The following NAGK variants were observed in gnomAD, a reference collection of about 807,000 sequenced individuals.
The protein encoded by NAGK is N-acetylglucosamine kinase.
Under a neutral mutation model 42.9 loss-of-function variants are expected in NAGK, and 35 were observed. That is an observed-to-expected ratio of 0.82 (90% CI 0.62 to 1.08). NAGK has a LOEUF of 1.08. Ranked by LOEUF, NAGK falls within the 50% of genes least tolerant of loss-of-function variation. NAGK has a pLI of 0.00. For synonymous variants in NAGK, 172 were observed against 176.0 expected (o/e 0.98, Z 0.18); for missense variants, 446 against 446.0 (o/e 1.00, Z 0.00).
chr2:71,072,986 C>T, intron 5 of NAGK: 2 of 577,884 alleles, frequency 3.5e-6, no homozygotes, highest in Admixed American at 2.3e-5. Flanking sequence ...ATTCATCCCT[C>T]AGCACAGGGG....
At chr2:71,071,408 G>A (rs537893002) in intron 3 of NAGK, 3 of 419,630 alleles carry the variant, frequency 7.1e-6, no homozygotes, top group South Asian at 9.0e-5. Context: ...ACCTTGCCCC[G>A]CTGCCTGATC....
chr2:71,068,533 C>A (rs1302490366), upstream of NAGK: 6 of 1,464,204 alleles, frequency 4.1e-6, no homozygotes, highest in Non-Finnish European at 5.4e-6. Context: ...CCTACCGGCG[C>A]CCCGCCCCGC....
At chr2:71,078,166 G>A (rs1672282639) in intron 9 of NAGK, 152 bp from the exon 10 acceptor site, 1 of 700,166 alleles carries the variant, frequency 1.4e-6, no homozygotes. Flanking sequence ...AGTACCCAGT[G>A]CACCCTGTGT....
chr2:71,070,428 G>A, intron 1 of NAGK, 74 bp from the exon 2 acceptor site: 1 of 1,317,394 alleles, frequency 7.6e-7, no homozygotes, highest in Non-Finnish European at 1.1e-6. Flanking sequence ...GGCTCTGCCA[G>A]TGTGGACAGC....
chr2:71,076,351 G>A, intron 7 of NAGK: 1 of 396,536 alleles, frequency 2.5e-6, no homozygotes, highest in African/African-American at 2.1e-5. Context: ...AGTGGGTGCT[G>A]CCCTCCCTTC....
At chr2:71,071,059 C>T (rs1671985733) in intron 3 of NAGK, 4 of 548,028 alleles carry the variant, frequency 7.3e-6, no homozygotes, top group Non-Finnish European at 1.3e-5. Context: ...GCTGCTGAGA[C>T]CTTGGTTTGA....
At chr2:71,070,443 G>T in intron 1 of NAGK, 59 bp from the exon 2 acceptor site, 1 of 1,472,228 alleles carries the variant, frequency 6.8e-7, no homozygotes, top group Non-Finnish European at 9.5e-7. Context: ...GACAGCACAA[G>T]CTTAGCTCTC....
In NAGK at chr2:71,076,743, G is replaced by A. The variant is rs113204326; in HGVS notation, c.765+42G>A. 1.4e-5 allele frequency: 22 copies of A among 1,538,436 alleles called. No homozygotes were observed. In the African/African-American group the frequency reaches 2.0e-4, roughly 14 times the overall value. ...GTGAAGGTGGGGAGCTGCTGGGTGA[G>A]GAGTGGTCCTTTCCCACTGTGGATG... On this transcript the variant is annotated intron_variant, in intron 8 of 9. Transcript: ENST00000244204.
chr2:71,074,433 C>G (rs1242379818), intron 6 of NAGK, among the ~76,000 whole-genome samples: 2 of 152,206 alleles, frequency 1.3e-5, no homozygotes, highest in African/African-American at 2.4e-5. Flanking sequence ...CAGTTAGTAA[C>G]TGTTAAGCTA....
rs147750938 is a variant in NAGK at position 71,069,941 on chromosome 2, A to G, written c.30-561A>G. The G allele has an allele frequency of 1.9e-3, 308 of 160,106 alleles. 5 individuals are homozygous for G. The highest frequency in any genetic ancestry group is 7.0e-3 in the African/African-American group (291 of 41,656). 9.9% of individuals were successfully genotyped at this position (160,106 alleles called of 1,614,324 possible). On this transcript the variant is annotated intron_variant, in intron 1 of 9. Coordinates refer to ENST00000244204, the MANE Select transcript of NAGK (RefSeq NM_017567.6). ...AGCATTTCTAGCAAAGGTGTCTTGA[A>G]GACCTTGGCAGCTGGATCTTGAAAT...
chr2:71,072,457 G>T, intron 4 of NAGK, 184 bp from the exon 5 acceptor site: 1 of 562,770 alleles, frequency 1.8e-6, no homozygotes, highest in Non-Finnish European at 3.2e-6. Context: ...TGGGATTAGA[G>T]TTTTTCTGAG....
intron 8 of NAGK, 21 bp downstream of exon 8, chr2:71,076,722 A>AG (rs758807604): frequency 6.2e-7 from 1 of 1,601,388 alleles, no homozygotes; most frequent in Non-Finnish European, 8.6e-7. Flanking sequence ...GTGGGAGTGA[A>AG]GGTGGGGAGC....
rs1483610669 is a variant in NAGK at position 71,073,489 on chromosome 2, G to C, written c.474G>C (p.Trp158Cys). The change falls in exon 6 of 10, where the codon TGG becomes TGC. Residue 158 changes from tryptophan to cysteine, a missense_variant. Transcript: ENST00000244204. ...HMMGDEGSAY[W>C]IAHQAVKIVF... The stretch of plus-strand genomic sequence containing the variant: ...CCTCTCTGCTCCCTGCAGCCTACTG[G>C]ATCGCACACCAAGCAGTGAAAATAG... 4 of 1,613,472 alleles carry C rather than the reference G, an allele frequency of 2.5e-6. No homozygotes were observed. The highest frequency in any genetic ancestry group is 3.4e-6 in the Non-Finnish European group (4 of 1,179,540).
At chr2:71,072,888 G>A (rs1056273908) in intron 5 of NAGK, 137 bp downstream of exon 5, 7 of 765,420 alleles carry the variant, frequency 9.1e-6, no homozygotes, top group Admixed American at 4.0e-5. Flanking sequence ...CATTCCATGT[G>A]CAGGATCATG....
rs1168359491 is a variant in NAGK, at chr2:71,070,962, A to G, written c.213+123A>G. On this transcript the variant is annotated intron_variant, in intron 3 of 9. Coordinates refer to ENST00000244204, the MANE Select transcript of NAGK (RefSeq NM_017567.6). Reference sequence around the variant, plus strand: ...CCTCCAAGACTTAGTCCCTGGTGTCAAAACTGTCATAATCTCACCCAGTCT... The same window carrying G: ...CCTCCAAGACTTAGTCCCTGGTGTCGAAACTGTCATAATCTCACCCAGTCT... The G allele has an allele frequency of 3.1e-6, 3 of 975,426 alleles. No homozygotes were observed. The African/African-American group carries it at 4.8e-5, about 16-fold the overall frequency. The allele number at this position is 975,426 out of a possible 1,614,324, so 60.4% of individuals were successfully genotyped here.
At chr2:71,068,412 C>T (rs1671858699), upstream of NAGK, 2 of 1,251,330 alleles carry the variant, frequency 1.6e-6, no homozygotes, top group Admixed American at 3.6e-5. Flanking sequence ...TAGTGTCCAT[C>T]TCTGGAAGCA....
At chr2:71,069,365 A>G (rs1353947716) in intron 1 of NAGK, 1 of 152,926 alleles carries the variant, frequency 6.5e-6, no homozygotes, top group Non-Finnish European at 1.5e-5. Context: ...GGATAGGGAT[A>G]AATAAGATCG....
chr2:71,076,454 C>T, intron 7 of NAGK, 150 bp from the exon 8 acceptor site: 7 of 609,000 alleles, frequency 1.1e-5, no homozygotes, highest in South Asian at 1.1e-4. Context: ...CTTGCTTCTC[C>T]ACCTGCCACG....
At chr2:71,068,386 T>C (rs1220311874), upstream of NAGK, 18 of 1,075,868 alleles carry the variant, frequency 1.7e-5, no homozygotes, top group Non-Finnish European at 5.0e-6. Context: ...CCCTCTTTGA[T>C]TCCTCCTCTT....
Sources: allele counts gnomAD v4.1 joint callset (sites outside exome capture counted in the v4.1 genomes callset), GRCh38; gene constraint gnomAD v4.1.1; transcripts MANE v1.5; gene names NCBI Gene and HGNC (gene_info 2026-07-23, HGNC 2026-07-21).